The following FBP2 variants were observed in gnomAD, a reference collection of about 807,000 sequenced individuals.
The protein encoded by FBP2 is fructose-bisphosphatase 2, also known as fructose-1,6-bisphosphatase isozyme 2.
A neutral mutation model predicts 31.6 loss-of-function variants in FBP2; 27 were observed. The observed-to-expected ratio is 0.85, with a 90% CI of 0.63 to 1.18. The LOEUF (loss-of-function observed/expected upper bound fraction) is 1.18. Among genes scored for constraint, FBP2 ranks in the 50% most tolerant of loss-of-function variants. The pLI is 0.00. For synonymous variants in FBP2, 168 were observed against 179.8 expected, an observed-to-expected ratio of 0.93 and a Z score of 0.53; for missense variants, 421 against 436.1, an observed-to-expected ratio of 0.97 and a Z score of 0.31.
At chr9:94,574,456 T>C (rs1240696595) in intron 3 of FBP2, among the ~76,000 whole-genome samples, 3 of 152,162 alleles carry the variant, frequency 2.0e-5, no homozygotes, top group African/African-American at 7.2e-5. Context: ...TTTTATTTTG[T>C]AAGTTGTCTC....
intron 3 of FBP2, among the ~76,000 whole-genome samples, chr9:94,581,743 G>A (rs575879618): frequency 6.6e-5 from 10 of 152,324 alleles, no homozygotes; most frequent in South Asian, 2.1e-4. Flanking sequence ...CCTCTTGGCC[G>A]AAGGAAATCC....
rs1223825594 is a variant in FBP2 at position 94,584,169 on chromosome 9, G to A, written c.426+408C>T. On this transcript the variant is annotated intron_variant, in intron 3 of 6. Coordinates refer to ENST00000375337, the MANE Select transcript of FBP2 (RefSeq NM_003837.4). ...AGGGAGATCACCGTGGACCTTCCAG[G>A]TTAGATTAGTTCAATCTAATCCAAT... Among the ~76,000 whole-genome samples the A allele has an allele frequency of 2.6e-5, 4 of 152,166 alleles. No homozygotes were observed. In the East Asian group the frequency reaches 7.7e-4, roughly 29 times the overall value.
intron 5 of FBP2, among the ~76,000 whole-genome samples, chr9:94,565,055 G>T (rs1241200760): frequency 6.6e-6 from 1 of 152,028 alleles, no homozygotes; most frequent in Non-Finnish European, 1.5e-5. Flanking sequence ...CCATAAATAT[G>T]TACAATTATT....
At chr9:94,559,898 C>T (rs1161115718) in intron 6 of FBP2, among the ~76,000 whole-genome samples, 1 of 152,106 alleles carries the variant, frequency 6.6e-6, no homozygotes. Context: ...GAGGCCGAGG[C>T]AAAAGGATCG....
intron 3 of FBP2, among the ~76,000 whole-genome samples, chr9:94,580,750 T>A (rs1438369728): frequency 2.0e-5 from 3 of 152,188 alleles, no homozygotes; most frequent in Admixed American, 6.5e-5. Flanking sequence ...CAGGTCAAAG[T>A]CTCTAGTATC....
intron 4 of FBP2, among the ~76,000 whole-genome samples, chr9:94,571,129 G>T (rs112655550): frequency 6.6e-5 from 10 of 152,300 alleles, no homozygotes; most frequent in African/African-American, 2.4e-4. Flanking sequence ...CCATGCTTCT[G>T]CTGGAAATTT....
At chr9:94,567,808 C>T (rs1313821158) in intron 4 of FBP2, 5 of 176,640 alleles carry the variant, frequency 2.8e-5, no homozygotes, top group East Asian at 1.4e-4. Flanking sequence ...GTTACATTGT[C>T]GTATGAGGGA....
intron 3 of FBP2, among the ~76,000 whole-genome samples, chr9:94,581,457 A>G (rs892732981): frequency 6.6e-6 from 1 of 152,210 alleles, no homozygotes; most frequent in Non-Finnish European, 1.5e-5. Context: ...ATTGCTTAAA[A>G]GGGGTTTTAA....
intron 3 of FBP2, among the ~76,000 whole-genome samples, chr9:94,575,297 T>C (rs1280789288): frequency 6.6e-6 from 1 of 152,174 alleles, no homozygotes; most frequent in Non-Finnish European, 1.5e-5. Context: ...CACTATCACC[T>C]CCTGCCAAAG....
intron 6 of FBP2, among the ~76,000 whole-genome samples, chr9:94,561,357 T>A: frequency 1.2e-5 from 1 of 85,722 alleles, no homozygotes; most frequent in African/African-American, 3.4e-5. Flanking sequence ...CCTGTATTTT[T>A]TTTTTTTTTT....
intron 2 of FBP2, 74 bp from the exon 3 acceptor site, chr9:94,584,743 G>T: frequency 1.1e-6 from 1 of 877,264 alleles, no homozygotes; most frequent in Non-Finnish European, 1.9e-6. Flanking sequence ...TCAGGGCTGT[G>T]CGTGGCAGAG....
chr9:94,582,850 C>CTT lies in FBP2; in HGVS notation c.426+1725_426+1726dup, dbSNP rs1174064928. ...GGCATGAGCCACCCTTCCCAGCCCC[C>CTT]TTTTTTTTTTTTTTTTTTTTTGAGA... On this transcript the variant is annotated intron_variant, in intron 3 of 6. Coordinates refer to ENST00000375337, the MANE Select transcript of FBP2 (RefSeq NM_003837.4). Among the ~76,000 whole-genome samples, 613 of 107,500 alleles carry CTT rather than the reference C, an allele frequency of 5.7e-3. 8 individuals are homozygous for CTT. The highest frequency in any genetic ancestry group is 0.021 in the African/African-American group (524 of 24,886). The allele number at this position is 107,500 out of a possible 152,430, so 70.5% of individuals were successfully genotyped here. A position where few individuals can be genotyped will look rare whatever the true frequency, so the allele number is the denominator to read the frequency against.
At chr9:94,574,559 T>C (rs1334208421) in intron 3 of FBP2, among the ~76,000 whole-genome samples, 1 of 152,166 alleles carries the variant, frequency 6.6e-6, no homozygotes, top group Admixed American at 6.5e-5. Flanking sequence ...GTCTTGTATA[T>C]GTCACAAATA....
chr9:94,560,720 T>C (rs1291051873), intron 6 of FBP2, among the ~76,000 whole-genome samples: 1 of 147,954 alleles, frequency 6.8e-6, no homozygotes, highest in African/African-American at 2.5e-5. Context: ...TATTATATAT[T>C]ATATAATATA....
intron 1 of FBP2, among the ~76,000 whole-genome samples, chr9:94,588,912 A>C (rs1361273609): frequency 6.6e-6 from 1 of 152,118 alleles, no homozygotes; most frequent in African/African-American, 2.4e-5. Flanking sequence ...CTGACTGCCC[A>C]GTGGCCTTGC....
chr9:94,574,654 A>G (rs975828354), intron 3 of FBP2, among the ~76,000 whole-genome samples: 1 of 152,112 alleles, frequency 6.6e-6, no homozygotes, highest in African/African-American at 2.4e-5. Flanking sequence ...ATGACATTCC[A>G]TATGTTTTCT....
chr9:94,565,007 C>G (rs1183629046), intron 5 of FBP2, among the ~76,000 whole-genome samples: 1 of 152,044 alleles, frequency 6.6e-6, no homozygotes, highest in Non-Finnish European at 1.5e-5. Context: ...CTGATCTGAT[C>G]ACTGTATATT....
chr9:94,588,783 G>A (rs1007526104), intron 1 of FBP2, among the ~76,000 whole-genome samples: 2 of 152,156 alleles, frequency 1.3e-5, no homozygotes, highest in Non-Finnish European at 2.9e-5. Context: ...CCCCGCAAGT[G>A]GGTGTCAGGC....
intron 3 of FBP2, among the ~76,000 whole-genome samples, chr9:94,574,063 A>G (rs923552366): frequency 6.6e-6 from 1 of 152,184 alleles, no homozygotes; most frequent in Non-Finnish European, 1.5e-5. Flanking sequence ...CGTTTCATCT[A>G]AGTTGTCAAA....
Sources: allele counts gnomAD v4.1 joint callset (sites outside exome capture counted in the v4.1 genomes callset), GRCh38; gene constraint gnomAD v4.1.1; transcripts MANE v1.5; gene names NCBI Gene and HGNC (gene_info 2026-07-23, HGNC 2026-07-21).